MAP7: variants seen among roughly 807,000 people sequenced by gnomAD.
MAP7 encodes microtubule associated protein 7.
A neutral mutation model predicts 94.8 loss-of-function variants in MAP7; 52 were observed. That is an observed-to-expected ratio of 0.55 (90% CI 0.44 to 0.69). The LOEUF is 0.69. Ranked by LOEUF, MAP7 falls within the 30% of genes least tolerant of loss-of-function variation. The pLI is 0.00. For synonymous variants in MAP7, 350 were observed against 357.0 expected (o/e 0.98, Z 0.22); for missense variants, 940 against 964.6 (o/e 0.97, Z 0.34).
rs144482564 is a variant in MAP7, at chr6:136,517,806, T to C, written c.67+32536A>G. ...TGAACGTGGTGAAACTTTCCTAGTA[T>C]CCTGTTTTCCCACTATGTAAACTGA... On this transcript the variant is annotated intron_variant, in intron 1 of 17. Coordinates refer to ENST00000354570, the MANE Select transcript of MAP7 (RefSeq NM_003980.6). Among the ~76,000 whole-genome samples the C allele has an allele frequency of 4.0e-3, 610 of 152,318 alleles. 5 individuals carry two copies. Among genetic ancestry groups the C allele is most frequent in the African/African-American group, 0.014 (578 of 41,578 alleles).
chr6:136,497,797 C>CAAAAAAAAA, intron 1 of MAP7, among the ~76,000 whole-genome samples: 2 of 46,564 alleles, frequency 4.3e-5, no homozygotes, highest in Non-Finnish European at 9.6e-5. Context: ...GACTCTGTCA[C>CAAAAAAAAA]AAAAAAAAAA....
chr6:136,357,865 T>C (rs1424925504), intron 15 of MAP7, among the ~76,000 whole-genome samples: 3 of 152,156 alleles, frequency 2.0e-5, no homozygotes, highest in Non-Finnish European at 4.4e-5. Flanking sequence ...GTACAAGAGA[T>C]CTGATAACTA....
chr6:136,509,956 C>T (rs1472260256), intron 1 of MAP7, among the ~76,000 whole-genome samples: 1 of 152,154 alleles, frequency 6.6e-6, no homozygotes, highest in Admixed American at 6.5e-5. Flanking sequence ...AATCCCAGCT[C>T]TTTGGGAGGC....
intron 1 of MAP7, among the ~76,000 whole-genome samples, chr6:136,466,362 A>AT (rs903991063): frequency 6.6e-6 from 1 of 151,920 alleles, no homozygotes; most frequent in Non-Finnish European, 1.5e-5. Flanking sequence ...ATATACTGAA[A>AT]TTTTTTTTGG....
chr6:136,511,064 G>A (rs1284957531), intron 1 of MAP7, among the ~76,000 whole-genome samples: 1 of 152,180 alleles, frequency 6.6e-6, no homozygotes, highest in Admixed American at 6.5e-5. Flanking sequence ...CAGCATCAAA[G>A]TAGATGTGTG....
At chr6:136,526,800 G>A (rs1827983077) in intron 1 of MAP7, 1 of 439,420 alleles carries the variant, frequency 2.3e-6, no homozygotes, top group Non-Finnish European at 3.0e-6. Context: ...CTGGATGAAT[G>A]AAGGCATGGC....
intron 16 of MAP7, among the ~76,000 whole-genome samples, chr6:136,348,130 G>A (rs2128518509): frequency 6.6e-6 from 1 of 152,098 alleles, no homozygotes; most frequent in South Asian, 2.1e-4. Flanking sequence ...TGTAACTAGG[G>A]AAACAATTTT....
Position 136,356,679 on chromosome 6 carries a change from A to T in MAP7, c.2015+13T>A. ...GTAATGTTTTACTTTAATGAATGTC[A>T]GTGAAAACTCACCTCTCCACTGTCA... On this transcript the variant is annotated intron_variant, in intron 16 of 17. Coordinates refer to ENST00000354570, the MANE Select transcript of MAP7 (RefSeq NM_003980.6). 6.2e-7 allele frequency: 1 copy of T among 1,601,294 alleles called. No homozygotes were observed. Among genetic ancestry groups the T allele is most frequent in the Non-Finnish European group, 8.6e-7 (1 of 1,168,494 alleles).
rs267600828 is a variant in MAP7 at position 136,345,934 on chromosome 6, G to A, written c.2161C>T (p.Pro721Ser). The A allele has an allele frequency of 2.5e-6, 4 of 1,614,112 alleles. No individual in the cohort carries two copies. The highest frequency in any genetic ancestry group is 2.5e-6 in the Non-Finnish European group (3 of 1,180,004). Residue 721 changes from proline to serine, a missense_variant, in exon 17 of 18, where the codon CCA becomes TCA. Transcript: ENST00000354570. ...NSESPEIPLN[P>S]ILAFDDEGTL... ...CCTTCATCATCAAAGGCCAAAATTG[G>A]ATTCAAAGGAATTTCTGGGCTCTCA...
intron 1 of MAP7, among the ~76,000 whole-genome samples, chr6:136,487,260 G>T (rs930128474): frequency 2.0e-5 from 3 of 152,174 alleles, no homozygotes; most frequent in African/African-American, 4.8e-5. Context: ...AAAATGGGTT[G>T]TAAAATCATA....
chr6:136,391,408 G>A (rs1171637518), intron 3 of MAP7, among the ~76,000 whole-genome samples: 6 of 129,484 alleles, frequency 4.6e-5, no homozygotes, highest in African/African-American at 1.1e-4. Context: ...TGGTGGGGTC[G>A]GGGGAGGGGG....
At position 136,372,507 on chromosome 6, in the gene MAP7, G is replaced by A; in HGVS notation, c.870C>T (p.Gly290=). The A allele has an allele frequency of 6.2e-7, 1 of 1,614,020 alleles. No homozygotes were observed. Among genetic ancestry groups the A allele is most frequent in the Non-Finnish European group, 8.5e-7 (1 of 1,180,010 alleles). Residue 290 remains glycine (G), a synonymous_variant, in exon 8 of 18, where the codon GGC becomes GGT. Transcript: ENST00000354570. ...EGSSRRRIIH[G]TASYKKERER... ...GCTCCCAACAGCTACTCACCGCTGT[G>A]CCATGAATGATCCTCCTGCGAGAAG... is the stretch of plus-strand genomic sequence containing the variant.
At chr6:136,377,649 G>A in intron 7 of MAP7, 106 bp downstream of exon 7, 2 of 782,516 alleles carry the variant, frequency 2.6e-6, no homozygotes, top group East Asian at 2.7e-5. Context: ...TTTCCACCGG[G>A]GGAAGAGAGA....
chr6:136,488,817 G>A (rs1480439324), intron 1 of MAP7, among the ~76,000 whole-genome samples: 2 of 152,050 alleles, frequency 1.3e-5, no homozygotes, highest in Admixed American at 6.5e-5. Context: ...ACACATGCAA[G>A]TCATCGTTAG....
At chr6:136,504,773 C>G (rs1820879585) in intron 1 of MAP7, among the ~76,000 whole-genome samples, 1 of 152,170 alleles carries the variant, frequency 6.6e-6, no homozygotes, top group South Asian at 2.1e-4. Context: ...CTCTGCCTCC[C>G]AGGTTCAAGC....
At chr6:136,422,128 A>G (rs2128773416) in intron 1 of MAP7, among the ~76,000 whole-genome samples, 1 of 152,364 alleles carries the variant, frequency 6.6e-6, no homozygotes, top group Middle Eastern at 3.4e-3. Flanking sequence ...CTGAGTTCTT[A>G]CAAAGCACCA....
intron 1 of MAP7, among the ~76,000 whole-genome samples, chr6:136,517,298 G>A (rs982179528): frequency 3.9e-5 from 6 of 152,062 alleles, no homozygotes; most frequent in Non-Finnish European, 8.8e-5. Flanking sequence ...AAGAAAGAAG[G>A]CAGCCTTCCT....
intron 1 of MAP7, among the ~76,000 whole-genome samples, chr6:136,432,508 C>A (rs1015339718): frequency 6.6e-6 from 1 of 152,126 alleles, no homozygotes; most frequent in African/African-American, 2.4e-5. Context: ...GGAATTCAAA[C>A]GCCTTAGCAG....
At chr6:136,489,498 C>T (rs1815860788) in intron 1 of MAP7, among the ~76,000 whole-genome samples, 2 of 148,756 alleles carry the variant, frequency 1.3e-5, no homozygotes, top group South Asian at 4.2e-4. Flanking sequence ...ATTCTTACCT[C>T]ATTACAATGC....
Sources: gnomAD v4.1 joint callset for allele counts (sites outside exome capture counted in the v4.1 genomes callset) on GRCh38, gnomAD v4.1.1 for gene constraint, MANE v1.5 for transcripts, NCBI Gene and HGNC (gene_info 2026-07-23, HGNC 2026-07-21) for gene names.